Variants in ENAH observed in about 807,000 individuals in gnomAD.
ENAH encodes the protein ENAH actin regulator.
Under a neutral mutation model 78.7 loss-of-function variants are expected in ENAH, and 23 were observed. That is an observed-to-expected ratio of 0.29 (90% CI 0.21 to 0.41). The LOEUF is 0.41. Ranked by LOEUF, ENAH falls within the 10% of genes least tolerant of loss-of-function variation. The pLI is 1.00. For missense variants in ENAH, 544 were observed against 691.0 expected (o/e 0.79, Z 2.39); for synonymous variants, 226 against 241.0 (o/e 0.94, Z 0.58).
At chr1:225,586,798 C>T (rs920723470) in intron 1 of ENAH, among the ~76,000 whole-genome samples, 2 of 152,014 alleles carry the variant, frequency 1.3e-5, no homozygotes, top group Non-Finnish European at 2.9e-5. Flanking sequence ...CCAAGGCAGG[C>T]GAACCACTTG....
At chr1:225,634,057 G>A (rs1218482230) in intron 1 of ENAH, among the ~76,000 whole-genome samples, 7 of 151,966 alleles carry the variant, frequency 4.6e-5, no homozygotes, top group Admixed American at 3.3e-4. Flanking sequence ...TTTCACTTAC[G>A]TTAAAATTCA....
intron 1 of ENAH, among the ~76,000 whole-genome samples, chr1:225,599,631 C>A (rs892359838): frequency 6.6e-6 from 1 of 151,564 alleles, no homozygotes; most frequent in South Asian, 2.1e-4. Flanking sequence ...CATGGTGAAA[C>A]CCCGTCTCTA....
chr1:225,567,970 G>C lies in ENAH; in HGVS notation c.6-556C>G, dbSNP rs759760937. The stretch of plus-strand genomic sequence containing the variant: ...TCAACCATCTGCCCCTTGAGACATG[G>C]AGTGGCCGCTAACAACCAATGGATG... On this transcript the variant is annotated intron_variant, in intron 1 of 13. Transcript: ENST00000366843. Among the ~76,000 whole-genome samples, 18 of 152,242 alleles carry C rather than the reference G, an allele frequency of 1.2e-4. 1 individual carries two copies. Among genetic ancestry groups the C allele is most frequent in the Non-Finnish European group, 2.2e-4 (15 of 68,016 alleles).
intron 3 of ENAH, among the ~76,000 whole-genome samples, chr1:225,532,944 GTGA>G: frequency 6.6e-6 from 1 of 152,132 alleles, no homozygotes; most frequent in Non-Finnish European, 1.5e-5. Flanking sequence ...ATGGTTCTTT[GTGA>G]TGATAATGGA....
chr1:225,519,720 G>A (rs572312947), intron 4 of ENAH, among the ~76,000 whole-genome samples, 155 bp from the exon 5 acceptor site: 2 of 152,176 alleles, frequency 1.3e-5, no homozygotes, highest in African/African-American at 4.8e-5. Context: ...ACCTTGGATA[G>A]AGACTGTTTC....
At chr1:225,512,585 A>T (rs1485228059) in intron 9 of ENAH, 72 bp downstream of exon 9, 1 of 1,424,060 alleles carries the variant, frequency 7.0e-7, no homozygotes, top group Non-Finnish European at 9.6e-7. Context: ...ATAAATGCTG[A>T]CACTATTTCC....
At chr1:225,636,983 G>A (rs1348775488) in intron 1 of ENAH, among the ~76,000 whole-genome samples, 1 of 152,176 alleles carries the variant, frequency 6.6e-6, no homozygotes, top group Non-Finnish European at 1.5e-5. Context: ...CACAGAGAAG[G>A]CAGCTTTCCA....
intron 1 of ENAH, among the ~76,000 whole-genome samples, chr1:225,577,504 G>A (rs2096794149): frequency 6.6e-6 from 1 of 152,186 alleles, no homozygotes; most frequent in African/African-American, 2.4e-5. Context: ...TATGCAGAAA[G>A]GCAAAACTTC....
At chr1:225,623,840 C>T (rs1388457027) in intron 1 of ENAH, among the ~76,000 whole-genome samples, 2 of 152,138 alleles carry the variant, frequency 1.3e-5, no homozygotes, top group African/African-American at 4.8e-5. Context: ...CCACCTACAT[C>T]GGCCTCCCAA....
At chr1:225,651,068 TA>T (rs1036277996) in intron 1 of ENAH, among the ~76,000 whole-genome samples, 8 of 150,588 alleles carry the variant, frequency 5.3e-5, no homozygotes, top group Admixed American at 6.6e-5. Flanking sequence ...TAACTTGATT[TA>T]AAAAAAAAGA....
intron 1 of ENAH, among the ~76,000 whole-genome samples, chr1:225,646,993 G>A (rs1363669709): frequency 6.6e-6 from 1 of 151,350 alleles, no homozygotes; most frequent in East Asian, 2.0e-4. Flanking sequence ...TTGGGAGGCT[G>A]AGGTGGGCGC....
intron 1 of ENAH, among the ~76,000 whole-genome samples, chr1:225,645,069 G>A (rs1406673299): frequency 6.6e-6 from 1 of 152,080 alleles, no homozygotes; most frequent in Non-Finnish European, 1.5e-5. Context: ...CACTACCAAG[G>A]TTTCCACCTC....
chr1:225,493,571 T>G lies in ENAH; in HGVS notation c.*4204A>C, dbSNP rs539572911. 6.6e-6 allele frequency: 1 copy of G among 152,314 alleles called. No individual in the cohort carries two copies. The highest frequency in any genetic ancestry group is 2.1e-4 in the South Asian group (1 of 4,834). 9.4% of individuals were successfully genotyped at this position (152,314 alleles called of 1,614,324 possible). A position where few individuals can be genotyped will look rare whatever the true frequency, so the allele number is the denominator to read the frequency against. On this transcript the variant is annotated 3_prime_UTR_variant, in exon 14 of 14. Coordinates refer to ENST00000366843, the MANE Select transcript of ENAH (RefSeq NM_018212.6). ...AGAGCTTTGGAGAGATGTACAGATA[T>G]GAACTCATCTTTCTATTAAAAACAA...
intron 4 of ENAH, among the ~76,000 whole-genome samples, chr1:225,530,145 A>G (rs550040338): frequency 6.6e-6 from 1 of 152,332 alleles, no homozygotes; most frequent in African/African-American, 2.4e-5. Context: ...CCCTATAGTA[A>G]TATCTGAAGA....
intron 3 of ENAH, among the ~76,000 whole-genome samples, chr1:225,536,611 A>G (rs1433806495): frequency 2.0e-5 from 3 of 152,104 alleles, no homozygotes; most frequent in African/African-American, 7.2e-5. Context: ...TTATTATTTA[A>G]AACATACAAC....
intron 10 of ENAH, among the ~76,000 whole-genome samples, chr1:225,510,318 G>A (rs1008590992): frequency 6.6e-6 from 1 of 152,036 alleles, no homozygotes; most frequent in Non-Finnish European, 1.5e-5. Context: ...TGAATATTCT[G>A]AAATTATGAA....
At position 225,603,264 on chromosome 1, in the gene ENAH, A is replaced by G. The variant is rs374395044; in HGVS notation, c.6-35850T>C. On this transcript the variant is annotated intron_variant, in intron 1 of 13. Coordinates refer to ENST00000366843, the MANE Select transcript of ENAH (RefSeq NM_018212.6). ...AATAATTAAGCAAATATTTAGAATT[A>G]TATGTATAACTTCTTAAAAGCTCAA... is the stretch of plus-strand genomic sequence containing the variant. 4.6e-5 allele frequency among the ~76,000 whole-genome samples: 7 copies of G among 152,256 alleles called. No homozygotes were observed. In the East Asian group the frequency reaches 7.7e-4, roughly 17 times the overall value.
intron 2 of ENAH, among the ~76,000 whole-genome samples, chr1:225,559,214 G>A (rs2096686228): frequency 6.6e-6 from 1 of 151,920 alleles, no homozygotes; most frequent in African/African-American, 2.4e-5. Context: ...TATTCAGAAA[G>A]GTATTTCTTA....
At chr1:225,596,471 G>A (rs916084735) in intron 1 of ENAH, among the ~76,000 whole-genome samples, 5 of 152,032 alleles carry the variant, frequency 3.3e-5, no homozygotes, top group Admixed American at 6.6e-5. Flanking sequence ...ACAAAACTAG[G>A]AGGACCACAT....
Sources: gnomAD v4.1 joint callset for allele counts (sites outside exome capture counted in the v4.1 genomes callset) on GRCh38, gnomAD v4.1.1 for gene constraint, MANE v1.5 for transcripts, NCBI Gene and HGNC (gene_info 2026-07-23, HGNC 2026-07-21) for gene names.